Variants in ZBTB7C observed in about 807,000 individuals in gnomAD.
ZBTB7C encodes zinc finger and BTB domain containing 7C.
Under a neutral mutation model 25.7 loss-of-function variants are expected in ZBTB7C, and 8 were observed. The observed-to-expected ratio is 0.31, with a 90% CI of 0.18 to 0.56. The LOEUF (loss-of-function observed/expected upper bound fraction) is 0.56. Among genes scored for constraint, ZBTB7C ranks in the 20% least tolerant of loss-of-function variants. The probability of loss-of-function intolerance (pLI) is 0.91; values close to 1 mark genes in which losing one functional copy is unlikely to be tolerated. For missense variants in ZBTB7C, 824 were observed against 855.2 expected (o/e 0.96, Z 0.46); for synonymous variants, 394 against 369.0 (o/e 1.07, Z -0.78).
chr18:48,141,821 C>A (rs1218392757), intron 3 of ZBTB7C, among the ~76,000 whole-genome samples: 1 of 152,154 alleles, frequency 6.6e-6, no homozygotes, highest in Admixed American at 6.5e-5. Context: ...CCTTCGTGGC[C>A]CCTCTGGCTT....
At chr18:48,029,975 C>G in intron 4 of ZBTB7C, 64 bp from the exon 5 acceptor site, 1 of 1,595,250 alleles carries the variant, frequency 6.3e-7, no homozygotes. Context: ...TAACCTTTTG[C>G]TCCCCCTTTC....
intron 3 of ZBTB7C, among the ~76,000 whole-genome samples, chr18:48,118,236 C>G (rs935700444): frequency 6.6e-6 from 1 of 152,036 alleles, no homozygotes; most frequent in Admixed American, 6.6e-5. Context: ...AAACTCCTGA[C>G]CTCAAGTGAT....
intron 3 of ZBTB7C, among the ~76,000 whole-genome samples, chr18:48,114,565 C>T (rs531647816): frequency 3.9e-5 from 6 of 152,066 alleles, no homozygotes; most frequent in Admixed American, 1.3e-4. Flanking sequence ...AGCATCACTG[C>T]ACTCCAGCCT....
upstream of ZBTB7C, among the ~76,000 whole-genome samples, chr18:48,410,435 C>T (rs1050137485): frequency 6.6e-6 from 1 of 152,166 alleles, no homozygotes; most frequent in Non-Finnish European, 1.5e-5. Context: ...CGGGCGGGCC[C>T]GGGGAGGGCT....
chr18:48,290,590 T>C (rs932495151), intron 2 of ZBTB7C, among the ~76,000 whole-genome samples: 2 of 152,318 alleles, frequency 1.3e-5, no homozygotes, highest in Admixed American at 6.5e-5. Flanking sequence ...GTGTGGGGGT[T>C]GGGGACAGAC....
At chr18:48,082,961 C>T (rs1201905970) in intron 3 of ZBTB7C, among the ~76,000 whole-genome samples, 1 of 152,162 alleles carries the variant, frequency 6.6e-6, no homozygotes, top group Non-Finnish European at 1.5e-5. Flanking sequence ...GGACAAGTGG[C>T]TTTCCCTCTC....
chr18:48,411,334 T>C (rs1480014348), upstream of ZBTB7C, among the ~76,000 whole-genome samples: 2 of 152,246 alleles, frequency 1.3e-5, no homozygotes, highest in African/African-American at 4.8e-5. Context: ...GGATAGTCTA[T>C]CGTGGAACCT....
intron 3 of ZBTB7C, among the ~76,000 whole-genome samples, chr18:48,042,468 C>T (rs372874536): frequency 2.7e-4 from 41 of 152,320 alleles, no homozygotes; most frequent in Admixed American, 6.5e-4. Flanking sequence ...TAAAGCCCCA[C>T]GCCCCAGTGG....
At chr18:48,034,883 A>C (rs2035908206) in intron 4 of ZBTB7C, among the ~76,000 whole-genome samples, 1 of 152,318 alleles carries the variant, frequency 6.6e-6, no homozygotes, top group African/African-American at 2.4e-5. Context: ...CCAGAATCAA[A>C]GAAAAGGGCT....
At chr18:48,281,665 C>G (rs1305899379) in intron 2 of ZBTB7C, among the ~76,000 whole-genome samples, 1 of 152,176 alleles carries the variant, frequency 6.6e-6, no homozygotes, top group Non-Finnish European at 1.5e-5. Flanking sequence ...TGAACAGACA[C>G]TTCTCAAAAG....
At chr18:48,112,260 CTTTTTTTTTTTT>C (rs1048802422) in intron 3 of ZBTB7C, among the ~76,000 whole-genome samples, 1 of 120,054 alleles carries the variant, frequency 8.3e-6, no homozygotes, top group South Asian at 2.7e-4. Flanking sequence ...TAATTTTTTT[CTTTTTTTTTTTT>C]TTTTTTGCCT....
intron 2 of ZBTB7C, among the ~76,000 whole-genome samples, chr18:48,194,891 G>T (rs2042283248): frequency 6.7e-6 from 1 of 150,248 alleles, no homozygotes; most frequent in South Asian, 2.1e-4. Context: ...GAGGGGGGAG[G>T]GGGCAGAGGG....
In ZBTB7C at chr18:48,381,593, T is replaced by C. The variant is rs564194964; in HGVS notation, c.-304+27633A>G. ...ACAACGTAACTACTCAATATTTATT[T>C]CACCAAAATTATGACATAAATATGT... On this transcript the variant is annotated intron_variant, in intron 1 of 4. Coordinates refer to ENST00000590800, the MANE Select transcript of ZBTB7C (RefSeq NM_001318841.2). 2.6e-5 allele frequency among the ~76,000 whole-genome samples: 4 copies of C among 152,366 alleles called. No homozygotes were observed. In the East Asian group the frequency reaches 7.7e-4, roughly 29 times the overall value.
At chr18:48,210,325 C>T (rs1273084082) in intron 2 of ZBTB7C, among the ~76,000 whole-genome samples, 1 of 152,054 alleles carries the variant, frequency 6.6e-6, no homozygotes, top group Non-Finnish European at 1.5e-5. Flanking sequence ...AAATATATAC[C>T]CCAAAGCATA....
chr18:48,391,462 G>A (rs1484285679), intron 1 of ZBTB7C, among the ~76,000 whole-genome samples: 5 of 152,182 alleles, frequency 3.3e-5, no homozygotes, highest in Non-Finnish European at 7.3e-5. Flanking sequence ...TGCTCTGAGT[G>A]GAGTTCATTG....
intron 3 of ZBTB7C, among the ~76,000 whole-genome samples, chr18:48,145,532 T>C (rs1042678047): frequency 3.3e-5 from 5 of 152,226 alleles, no homozygotes; most frequent in Admixed American, 6.5e-5. Context: ...TCCACAAATA[T>C]TGGTAAAAAG....
At chr18:48,351,173 G>T (rs555253277) in intron 1 of ZBTB7C, among the ~76,000 whole-genome samples, 36 of 152,252 alleles carry the variant, frequency 2.4e-4, no homozygotes, top group African/African-American at 8.4e-4. Context: ...CCATGTGTGA[G>T]TGCGAGATGG....
chr18:48,084,446 G>A (rs2038108657), intron 3 of ZBTB7C, among the ~76,000 whole-genome samples: 1 of 152,186 alleles, frequency 6.6e-6, no homozygotes, highest in South Asian at 2.1e-4. Context: ...CACAGCAGTG[G>A]CGGCAGGTGG....
chr18:48,236,393 G>A (rs980737290), intron 2 of ZBTB7C, among the ~76,000 whole-genome samples: 5 of 152,196 alleles, frequency 3.3e-5, no homozygotes, highest in African/African-American at 2.4e-5. Context: ...AGAAGTGTTT[G>A]ATAAGTCTCT....
Sources: gnomAD v4.1 joint callset for allele counts (sites outside exome capture counted in the v4.1 genomes callset) on GRCh38, gnomAD v4.1.1 for gene constraint, MANE v1.5 for transcripts, NCBI Gene and HGNC (gene_info 2026-07-23, HGNC 2026-07-21) for gene names.